The following VAV3 variants were observed in gnomAD, a reference collection of about 807,000 sequenced individuals.
VAV3 encodes the protein vav guanine nucleotide exchange factor 3, also known as guanine nucleotide exchange factor VAV3.
Under a neutral mutation model 131.2 loss-of-function variants are expected in VAV3, and 94 were observed. The ratio of observed to expected loss-of-function variants is 0.72; its 90% confidence interval spans 0.61 to 0.85. The LOEUF is 0.85. Among genes scored for constraint, VAV3 ranks in the 40% least tolerant of loss-of-function variants. The pLI is 0.00. For synonymous variants in VAV3, 349 were observed against 342.0 expected, an observed-to-expected ratio of 1.02 and a Z score of -0.22; for missense variants, 939 against 1,002.7, an observed-to-expected ratio of 0.94 and a Z score of 0.86.
chr1:107,853,554 G>T (rs1425178743), intron 2 of VAV3, among the ~76,000 whole-genome samples: 3 of 150,962 alleles, frequency 2.0e-5, no homozygotes, highest in Non-Finnish European at 4.4e-5. Flanking sequence ...TACTCAGAAA[G>T]ATCCTCCCCC....
In VAV3 at chr1:107,874,956, C is replaced by A; in HGVS notation, c.266G>T (p.Arg89Met). ...AAATGCCTCGAAAAGTTCACTTTTC[C>A]TCATTCCAAACGTCTCACAACAGGC... ...LTACCETFGM[R>M]KSELFEAFDL... The change falls in exon 2 of 27, where the codon AGG becomes ATG. Residue 89 changes from arginine (R) to methionine (M), a missense_variant. Physicochemically the swap from Arg to Met is moderately conservative, Grantham distance 91 (BLOSUM62 -1). Transcript: ENST00000370056. 1 of 1,613,386 alleles carries A rather than the reference C, an allele frequency of 6.2e-7. No homozygotes were observed. The highest frequency in any genetic ancestry group is 1.1e-5 in the South Asian group (1 of 91,060).
intron 15 of VAV3, among the ~76,000 whole-genome samples, chr1:107,743,655 T>C (rs758702942): frequency 6.6e-5 from 10 of 152,196 alleles, no homozygotes; most frequent in African/African-American, 9.6e-5. Flanking sequence ...ATGAATAAAA[T>C]TTCCTCTGGT....
rs540952481 is a variant in VAV3 at position 107,722,770 on chromosome 1, A to G, written c.1503-17709T>C. 2.6e-5 allele frequency among the ~76,000 whole-genome samples: 4 copies of G among 151,858 alleles called. No homozygotes were observed. The South Asian group carries it at 8.3e-4, about 32-fold the overall frequency. ...TTTAAGATACCTTGGGCTTCTTTTT[A>G]AAGAGTGATGAAACAAACTAGATAC... On this transcript the variant is annotated intron_variant, in intron 15 of 26. Transcript: ENST00000370056.
At chr1:107,691,058 T>G (rs1436642830) in intron 17 of VAV3, among the ~76,000 whole-genome samples, 1 of 152,196 alleles carries the variant, frequency 6.6e-6, no homozygotes, top group African/African-American at 2.4e-5. Flanking sequence ...CAGAAATTCT[T>G]AGCCAGGCTC....
At chr1:107,582,513 T>A (rs2101012569) in intron 25 of VAV3, among the ~76,000 whole-genome samples, 1 of 151,704 alleles carries the variant, frequency 6.6e-6, no homozygotes, top group South Asian at 2.1e-4. Flanking sequence ...CTGCACCCAC[T>A]AACTCGTCAT....
intron 22 of VAV3, 140 bp downstream of exon 22, chr1:107,609,791 T>C (rs754146936): frequency 3.0e-4 from 245 of 805,122 alleles, no homozygotes; most frequent in Non-Finnish European, 4.6e-4. Flanking sequence ...GAATTCATTA[T>C]GGTGTTTTGT....
intron 2 of VAV3, among the ~76,000 whole-genome samples, chr1:107,796,958 TA>T: frequency 6.6e-6 from 1 of 150,544 alleles, no homozygotes; most frequent in Non-Finnish European, 1.5e-5. Context: ...GTTTTGGTTC[TA>T]ATGAGTAAAA....
chr1:107,929,552 C>CTA (rs1326343552), intron 1 of VAV3, among the ~76,000 whole-genome samples: 1 of 151,948 alleles, frequency 6.6e-6, no homozygotes, highest in Non-Finnish European at 1.5e-5. Flanking sequence ...AACATTGTAA[C>CTA]TATAGTAAGT....
intron 15 of VAV3, among the ~76,000 whole-genome samples, chr1:107,730,176 A>T (rs551636002): frequency 2.0e-5 from 3 of 152,330 alleles, no homozygotes; most frequent in East Asian, 3.9e-4. Context: ...CCCAGGAAGG[A>T]GAAGCTAGTC....
At chr1:107,803,835 T>C (rs749621352) in intron 2 of VAV3, among the ~76,000 whole-genome samples, 3 of 152,074 alleles carry the variant, frequency 2.0e-5, no homozygotes, top group Admixed American at 6.6e-5. Flanking sequence ...TAATCCATTA[T>C]TGAGAGTGGA....
At chr1:107,623,998 T>G (rs1460031212) in intron 20 of VAV3, among the ~76,000 whole-genome samples, 1 of 152,164 alleles carries the variant, frequency 6.6e-6, no homozygotes, top group East Asian at 1.9e-4. Context: ...TATAATTGCA[T>G]CGAGTCATCA....
chr1:107,934,414 A>G (rs956127595), intron 1 of VAV3, among the ~76,000 whole-genome samples: 1 of 152,224 alleles, frequency 6.6e-6, no homozygotes, highest in Non-Finnish European at 1.5e-5. Context: ...TCTTCCTGTG[A>G]AAACAGAAAC....
chr1:107,893,733 T>C (rs1222287244), intron 1 of VAV3, among the ~76,000 whole-genome samples: 1 of 152,158 alleles, frequency 6.6e-6, no homozygotes, highest in African/African-American at 2.4e-5. Context: ...AAGATGAGAT[T>C]TGGGTGGGGA....
chr1:107,717,398 C>T (rs981587979), intron 15 of VAV3, among the ~76,000 whole-genome samples: 5 of 152,186 alleles, frequency 3.3e-5, no homozygotes, highest in African/African-American at 1.2e-4. Context: ...TCCCTCTATA[C>T]ACTGCTTTAA....
intron 19 of VAV3, among the ~76,000 whole-genome samples, chr1:107,652,380 C>T (rs1368723127): frequency 1.3e-5 from 2 of 152,138 alleles, no homozygotes; most frequent in African/African-American, 4.8e-5. Context: ...AATCAACAGT[C>T]CCTGGGGCTG....
chr1:107,864,988 C>G (rs1323334968), intron 2 of VAV3, among the ~76,000 whole-genome samples: 1 of 152,132 alleles, frequency 6.6e-6, no homozygotes, highest in East Asian at 1.9e-4. Flanking sequence ...AGCCTTACCC[C>G]CTGCCCCACA....
chr1:107,831,782 C>A (rs1374202006), intron 2 of VAV3, among the ~76,000 whole-genome samples: 1 of 152,214 alleles, frequency 6.6e-6, no homozygotes, highest in African/African-American at 2.4e-5. Flanking sequence ...ACTCAATATA[C>A]ACTTAATAGC....
intron 1 of VAV3, among the ~76,000 whole-genome samples, chr1:107,919,541 A>G (rs1480269263): frequency 6.6e-6 from 1 of 152,236 alleles, no homozygotes; most frequent in African/African-American, 2.4e-5. Flanking sequence ...TAAGGCCAGG[A>G]GAAGTTAAAT....
At chr1:107,907,720 CCCTTCCA>C (rs781649552) in intron 1 of VAV3, among the ~76,000 whole-genome samples, 49 of 152,136 alleles carry the variant, frequency 3.2e-4, no homozygotes, top group African/African-American at 7.0e-4. Context: ...TACTCTCTTG[CCCTTCCA>C]CCTTCCACCT....
Sources: gnomAD v4.1 joint callset for allele counts (sites outside exome capture counted in the v4.1 genomes callset) on GRCh38, gnomAD v4.1.1 for gene constraint, MANE v1.5 for transcripts, NCBI Gene and HGNC (gene_info 2026-07-23, HGNC 2026-07-21) for gene names.